KCNAB1: variants seen among roughly 807,000 people sequenced by gnomAD.
KCNAB1 encodes the protein voltage-gated potassium channel subunit beta-1.
KCNAB1 carries 35 observed loss-of-function variants against 64.6 expected under a neutral mutation model. That is an observed-to-expected ratio of 0.54 (90% CI 0.41 to 0.72). The LOEUF is 0.72. KCNAB1 is among the 30% of genes least tolerant of loss of function. The probability of loss-of-function intolerance (pLI) is 0.00; values close to 1 mark genes in which losing one functional copy is unlikely to be tolerated. For synonymous variants in KCNAB1, 177 were observed against 183.8 expected (o/e 0.96, Z 0.30); for missense variants, 401 against 512.9 (o/e 0.78, Z 2.11).
intron 1 of KCNAB1, among the ~76,000 whole-genome samples, chr3:156,134,233 T>C (rs1714164661): frequency 6.6e-6 from 1 of 152,196 alleles, no homozygotes; most frequent in Non-Finnish European, 1.5e-5. Flanking sequence ...GCCTTGAAAA[T>C]TGGAGGCCTC....
chr3:156,139,597 T>TTTTG (rs1553807279), intron 1 of KCNAB1, among the ~76,000 whole-genome samples: 1 of 146,654 alleles, frequency 6.8e-6, no homozygotes, highest in African/African-American at 2.5e-5. Context: ...TTTTTTTTTT[T>TTTTG]TTTTTTTTTT....
At chr3:156,145,346 T>C (rs1479825455) in intron 1 of KCNAB1, among the ~76,000 whole-genome samples, 4 of 152,190 alleles carry the variant, frequency 2.6e-5, no homozygotes, top group Non-Finnish European at 4.4e-5. Context: ...CACTCCCCAA[T>C]GTCCTTAGTG....
chr3:156,242,420 G>A (rs905706926), intron 1 of KCNAB1, among the ~76,000 whole-genome samples: 7 of 152,142 alleles, frequency 4.6e-5, no homozygotes, highest in African/African-American at 1.2e-4. Flanking sequence ...AACCCAATTC[G>A]TAGTCTTTTA....
intron 1 of KCNAB1, among the ~76,000 whole-genome samples, chr3:156,222,826 T>C (rs1017193445): frequency 6.6e-6 from 1 of 152,206 alleles, no homozygotes; most frequent in Admixed American, 6.5e-5. Context: ...TGATCCTGAA[T>C]GATTGTTGGG....
chr3:156,514,666 G>T (rs1220417968), intron 9 of KCNAB1, among the ~76,000 whole-genome samples: 1 of 152,118 alleles, frequency 6.6e-6, no homozygotes, highest in Non-Finnish European at 1.5e-5. Context: ...TGGCAAGAGG[G>T]TAAAGTGAAT....
intron 1 of KCNAB1, among the ~76,000 whole-genome samples, chr3:156,260,447 A>T (rs1390082131): frequency 6.6e-6 from 1 of 152,188 alleles, no homozygotes; most frequent in African/African-American, 2.4e-5. Context: ...TCCCAGCCCC[A>T]GCAACCACTA....
At chr3:156,164,401 A>G (rs1716251999) in intron 1 of KCNAB1, among the ~76,000 whole-genome samples, 1 of 152,162 alleles carries the variant, frequency 6.6e-6, no homozygotes, top group South Asian at 2.1e-4. Context: ...TCAGTGTCCC[A>G]TTGGCTTCAT....
intron 1 of KCNAB1, among the ~76,000 whole-genome samples, chr3:156,352,822 C>T (rs757223722): frequency 5.9e-5 from 9 of 152,242 alleles, no homozygotes; most frequent in Non-Finnish European, 1.0e-4. Flanking sequence ...CCAGCTGAGC[C>T]ATTCCTGCTG....
intron 1 of KCNAB1, among the ~76,000 whole-genome samples, chr3:156,126,439 G>A (rs1006131580): frequency 6.6e-6 from 1 of 152,198 alleles, no homozygotes; most frequent in African/African-American, 2.4e-5. Context: ...TAGGCAAAGG[G>A]GAGGAGTCCA....
At chr3:156,124,244 T>C (rs575940272) in intron 1 of KCNAB1, among the ~76,000 whole-genome samples, 2 of 151,110 alleles carry the variant, frequency 1.3e-5, no homozygotes, top group Admixed American at 6.6e-5. Context: ...TGAGATGGAG[T>C]CTCACTCTGT....
intron 3 of KCNAB1, among the ~76,000 whole-genome samples, chr3:156,454,090 T>C (rs528337080): frequency 1.3e-5 from 2 of 152,358 alleles, no homozygotes; most frequent in South Asian, 4.1e-4. Context: ...TATATTCTTG[T>C]CCATCCTAAT....
At chr3:156,128,328 C>T (rs1288419806) in intron 1 of KCNAB1, among the ~76,000 whole-genome samples, 1 of 152,098 alleles carries the variant, frequency 6.6e-6, no homozygotes, top group Non-Finnish European at 1.5e-5. Context: ...AGAGACAGTG[C>T]AACTGAAGTA....
chr3:156,333,885 T>G (rs986085167), intron 1 of KCNAB1, among the ~76,000 whole-genome samples: 2 of 152,242 alleles, frequency 1.3e-5, no homozygotes, highest in African/African-American at 4.8e-5. Flanking sequence ...TCTCTCTTTC[T>G]GTGAATGTGT....
intron 1 of KCNAB1, among the ~76,000 whole-genome samples, chr3:156,360,490 G>A (rs1198774477): frequency 6.6e-6 from 1 of 152,106 alleles, no homozygotes; most frequent in Non-Finnish European, 1.5e-5. Flanking sequence ...TGGGAGGATC[G>A]CTTGAGGCCA....
intron 1 of KCNAB1, among the ~76,000 whole-genome samples, chr3:156,337,804 T>C (rs1292530116): frequency 1.3e-5 from 2 of 152,224 alleles, no homozygotes; most frequent in Non-Finnish European, 2.9e-5. Flanking sequence ...AAAATGATTG[T>C]GACAATTAAA....
At chr3:156,418,750 T>C (rs976719812) in intron 1 of KCNAB1, among the ~76,000 whole-genome samples, 17 of 152,156 alleles carry the variant, frequency 1.1e-4, no homozygotes, top group Non-Finnish European at 2.5e-4. Flanking sequence ...CCCAGATATA[T>C]CTCATGCAGA....
intron 1 of KCNAB1, among the ~76,000 whole-genome samples, chr3:156,140,422 C>T (rs1355790222): frequency 2.6e-5 from 4 of 152,118 alleles, no homozygotes; most frequent in African/African-American, 9.7e-5. Flanking sequence ...TTGGTAAGGG[C>T]CCTCTTCCCG....
chr3:156,362,332 A>C (rs751922885), intron 1 of KCNAB1, among the ~76,000 whole-genome samples: 1 of 152,266 alleles, frequency 6.6e-6, no homozygotes, highest in Non-Finnish European at 1.5e-5. Flanking sequence ...CAACAGTTAA[A>C]TGCAAGAGAA....
chr3:156,223,065 A>G (rs373189881), intron 1 of KCNAB1, among the ~76,000 whole-genome samples: 15 of 152,312 alleles, frequency 9.8e-5, no homozygotes, highest in African/African-American at 3.4e-4. Context: ...GGACCCTCAC[A>G]GTGAGTGTTA....
Sources: allele counts gnomAD v4.1 joint callset (sites outside exome capture counted in the v4.1 genomes callset), GRCh38; gene constraint gnomAD v4.1.1; transcripts MANE v1.5; gene names NCBI Gene and HGNC (gene_info 2026-07-23, HGNC 2026-07-21).